The following ZC3H12B variants were observed in gnomAD, a reference collection of about 807,000 sequenced individuals.
ZC3H12B encodes zinc finger CCCH-type containing 12B.
ZC3H12B carries 7 observed loss-of-function variants against 43.9 expected under a neutral mutation model. That is an observed-to-expected ratio of 0.16 (90% CI 0.09 to 0.30). The LOEUF is 0.30. Ranked by LOEUF, ZC3H12B falls within the 10% of genes least tolerant of loss-of-function variation. The probability of loss-of-function intolerance (pLI) is 1.00; values close to 1 mark genes in which losing one functional copy is unlikely to be tolerated. For missense variants in ZC3H12B, 475 were observed against 670.2 expected (o/e 0.71, Z 3.22); for synonymous variants, 222 against 241.7 (o/e 0.92, Z 0.76).
chrX:65,453,132 C>T (rs2067543466), intron 3 of ZC3H12B, among the ~76,000 whole-genome samples: 2 of 107,324 alleles, frequency 1.9e-5, no homozygotes, highest in Non-Finnish European at 3.8e-5. Flanking sequence ...ACCAAAACAG[C>T]ATGGTACTGG....
At chrX:65,313,332 G>A in the ZC3H12B span, among the ~76,000 whole-genome samples, 29 of 112,041 alleles carry the variant, frequency 2.6e-4, no homozygotes, top group African/African-American at 4.9e-4. Context: ...TTATTTTTAA[G>A]TCAAATATCA....
At chrX:65,196,855 AAGAC>A in the ZC3H12B span, among the ~76,000 whole-genome samples, 5 of 111,778 alleles carry the variant, frequency 4.5e-5, no homozygotes, top group Non-Finnish European at 9.4e-5. Context: ...GACAGGAAAA[AAGAC>A]AGAGGATATG....
At chrX:65,194,470 T>G in the ZC3H12B span, among the ~76,000 whole-genome samples, 1 of 111,870 alleles carries the variant, frequency 8.9e-6, no homozygotes, top group East Asian at 2.8e-4. Flanking sequence ...TTAATTTCTG[T>G]GTCTGCATAG....
At chrX:65,036,085 A>G in the ZC3H12B span, among the ~76,000 whole-genome samples, 1 of 111,928 alleles carries the variant, frequency 8.9e-6, no homozygotes, top group African/African-American at 3.3e-5. Flanking sequence ...TCGGTTCCAG[A>G]AAACATTGGC....
chrX:65,358,673 C>T, the ZC3H12B span, among the ~76,000 whole-genome samples: 1 of 111,104 alleles, frequency 9.0e-6, no homozygotes, highest in African/African-American at 3.3e-5. Flanking sequence ...CTCTGGGGCA[C>T]ATTTAAAGCA....
the ZC3H12B span, among the ~76,000 whole-genome samples, chrX:65,102,768 G>C: frequency 9.9e-5 from 11 of 111,524 alleles, no homozygotes; most frequent in Middle Eastern, 9.2e-3. Flanking sequence ...AAAAATAAAG[G>C]GAAAGAGTAC....
chrX:65,316,148 G>T, the ZC3H12B span, among the ~76,000 whole-genome samples: 1 of 111,586 alleles, frequency 9.0e-6, no homozygotes, highest in African/African-American at 3.3e-5. Context: ...AAAGAAGAAT[G>T]GACAAGACCT....
At chrX:65,241,416 G>A in the ZC3H12B span, among the ~76,000 whole-genome samples, 67 of 98,496 alleles carry the variant, frequency 6.8e-4, no homozygotes, top group Non-Finnish European at 1.8e-4. Flanking sequence ...GGCTAGAACT[G>A]CCTAGTTGAC....
the ZC3H12B span, among the ~76,000 whole-genome samples, chrX:65,158,450 T>C: frequency 3.6e-5 from 4 of 112,015 alleles, no homozygotes; most frequent in Non-Finnish European, 1.9e-5. Context: ...TCCTGACTTT[T>C]AATGATTGTC....
the ZC3H12B span, among the ~76,000 whole-genome samples, chrX:65,225,423 G>T: frequency 8.9e-6 from 1 of 111,943 alleles, no homozygotes; most frequent in Non-Finnish European, 1.9e-5. Context: ...CAAAGACGGG[G>T]AAAAAACAGA....
the ZC3H12B span, among the ~76,000 whole-genome samples, chrX:65,220,756 G>T: frequency 8.9e-6 from 1 of 111,757 alleles, no homozygotes; most frequent in Admixed American, 9.5e-5. Context: ...AATAGTGTGG[G>T]TCTTCAGTAT....
At chrX:65,059,773 A>T in the ZC3H12B span, among the ~76,000 whole-genome samples, 1 of 111,782 alleles carries the variant, frequency 8.9e-6, no homozygotes, top group Non-Finnish European at 1.9e-5. Flanking sequence ...TGTCATTGGT[A>T]TTTTGATAGG....
the ZC3H12B span, among the ~76,000 whole-genome samples, chrX:65,201,584 G>T: frequency 9.5e-6 from 1 of 105,456 alleles, no homozygotes; most frequent in African/African-American, 3.5e-5. Context: ...TTTGTCTTCT[G>T]CTAGCTTTGG....
chrX:65,090,437 C>T, the ZC3H12B span, among the ~76,000 whole-genome samples: 17 of 112,310 alleles, frequency 1.5e-4, no homozygotes, highest in Non-Finnish European at 3.2e-4. Context: ...CTAAGTCACA[C>T]TGATGATCAC....
chrX:65,148,066 T>A, the ZC3H12B span, among the ~76,000 whole-genome samples: 1 of 110,305 alleles, frequency 9.1e-6, no homozygotes, highest in Non-Finnish European at 1.9e-5. Context: ...CTAAGTCTGT[T>A]GGAGAATGGG....
chrX:65,370,353 G>A (rs1391429878), intron 2 of ZC3H12B, among the ~76,000 whole-genome samples: 1 of 110,968 alleles, frequency 9.0e-6, no homozygotes, highest in Non-Finnish European at 1.9e-5. Context: ...GTAAAGTTTG[G>A]CTATTAATTT....
At chrX:65,494,088 A>G (rs905551975) in intron 1 of ZC3H12B, among the ~76,000 whole-genome samples, 2 of 111,617 alleles carry the variant, frequency 1.8e-5, no homozygotes, top group African/African-American at 6.5e-5. Context: ...CATAATTCTC[A>G]GTATGTTAGG....
chrX:65,100,108 G>T, the ZC3H12B span, among the ~76,000 whole-genome samples: 16 of 111,454 alleles, frequency 1.4e-4, no homozygotes, highest in Middle Eastern at 4.6e-3. Context: ...ATCAATAGCC[G>T]AATTGATGAA....
chrX:65,101,454 C>A, the ZC3H12B span, among the ~76,000 whole-genome samples: 1 of 111,598 alleles, frequency 9.0e-6, no homozygotes, highest in African/African-American at 3.3e-5. Flanking sequence ...AATCGAGGAG[C>A]TGGTTTTTTG....
Sources: allele counts gnomAD v4.1 joint callset (sites outside exome capture counted in the v4.1 genomes callset), GRCh38; gene constraint gnomAD v4.1.1; transcripts MANE v1.5; gene names NCBI Gene and HGNC (gene_info 2026-07-23, HGNC 2026-07-21).